The following TMEM164 variants were observed in gnomAD, a reference collection of about 807,000 sequenced individuals.
The protein encoded by TMEM164 is RP13-360B22.2.
TMEM164 carries 4 observed loss-of-function variants against 18.8 expected under a neutral mutation model. That is an observed-to-expected ratio of 0.21 (90% CI 0.10 to 0.49). TMEM164 has a LOEUF of 0.49. Ranked by LOEUF, TMEM164 falls within the 20% of genes least tolerant of loss-of-function variation. The probability of loss-of-function intolerance (pLI) is 0.98; values close to 1 mark genes in which losing one functional copy is unlikely to be tolerated. For synonymous variants in TMEM164, 86 were observed against 101.7 expected (o/e 0.85, Z 0.93); for missense variants, 108 against 239.9 (o/e 0.45, Z 3.63).
chrX:110,034,745 A>G (rs1213041754), intron 2 of TMEM164, among the ~76,000 whole-genome samples: 2 of 105,880 alleles, frequency 1.9e-5, no homozygotes, highest in Non-Finnish European at 3.9e-5. Flanking sequence ...ACTATAAATC[A>G]TGCTGCTATA....
At chrX:110,143,012 C>T (rs1416064027) in intron 4 of TMEM164, among the ~76,000 whole-genome samples, 1 of 112,226 alleles carries the variant, frequency 8.9e-6, no homozygotes, top group Non-Finnish European at 1.9e-5. Context: ...GCCCTTGGCC[C>T]GGCTCCTTGG....
chrX:110,027,941 A>G (rs1043933250), intron 2 of TMEM164, among the ~76,000 whole-genome samples: 1 of 111,493 alleles, frequency 9.0e-6, no homozygotes, highest in African/African-American at 3.3e-5. Context: ...AAAAGTTTGC[A>G]TGAGATCAGA....
At chrX:110,033,616 C>A (rs1934620947) in intron 2 of TMEM164, among the ~76,000 whole-genome samples, 1 of 111,384 alleles carries the variant, frequency 9.0e-6, no homozygotes, top group Admixed American at 9.6e-5. Flanking sequence ...ATAGCTCTTT[C>A]CTTTTCCTAA....
chrX:110,143,183 G>T (rs1192470913), intron 4 of TMEM164, among the ~76,000 whole-genome samples: 1 of 112,231 alleles, frequency 8.9e-6, no homozygotes, highest in African/African-American at 3.2e-5. Flanking sequence ...TAACCCTTTT[G>T]CACCTCAGTT....
At chrX:110,109,288 C>T (rs920588462) in intron 4 of TMEM164, 142 bp downstream of exon 4, 3 of 505,817 alleles carry the variant, frequency 5.9e-6, no homozygotes, top group Admixed American at 2.9e-5. Flanking sequence ...GAGGCCAAGG[C>T]GGGTGGATCA....
At chrX:110,152,687 G>A (rs756793285) in intron 5 of TMEM164, among the ~76,000 whole-genome samples, 2 of 110,652 alleles carry the variant, frequency 1.8e-5, no homozygotes, top group Non-Finnish European at 1.9e-5. Context: ...GGGTCCTCCT[G>A]CTCTTACCTC....
chrX:110,050,756 A>T (rs1018857807), intron 2 of TMEM164, among the ~76,000 whole-genome samples: 1 of 112,189 alleles, frequency 8.9e-6, no homozygotes, highest in East Asian at 2.8e-4. Flanking sequence ...CTTGGAAGAA[A>T]AAAAATTGGT....
chrX:110,084,425 A>AT (rs2065816571), intron 3 of TMEM164, among the ~76,000 whole-genome samples: 1 of 93,528 alleles, frequency 1.1e-5, no homozygotes, highest in African/African-American at 3.9e-5. Context: ...ATATATATAT[A>AT]GTATAGTATA....
chrX:110,116,455 G>A lies in TMEM164; in HGVS notation c.507+7309G>A, dbSNP rs144876527. On this transcript the variant is annotated intron_variant, in intron 4 of 6. Transcript: ENST00000372068. ...GATGGTTAGAATGTGCATGCAAATT[G>A]CATAGGAAGGAGGCTGTTCAAGCTA... Among the ~76,000 whole-genome samples the A allele has an allele frequency of 5.9e-4, 66 of 111,871 alleles. 2 individuals are homozygous for A. Among genetic ancestry groups the A allele is most frequent in the African/African-American group, 1.9e-3 (60 of 30,842 alleles).
chrX:110,078,064 A>G (rs1040833352), intron 3 of TMEM164, among the ~76,000 whole-genome samples: 21 of 112,271 alleles, frequency 1.9e-4, no homozygotes, highest in African/African-American at 6.8e-4. Flanking sequence ...CAAGTTGCCC[A>G]CTGTGTTTCC....
rs60116925 is a variant in TMEM164, at chrX:110,090,683, G to A, written c.441-18397G>A. Among the ~76,000 whole-genome samples, 190 of 111,692 alleles carry A rather than the reference G, an allele frequency of 1.7e-3. 1 individual carries two copies. The highest frequency in any genetic ancestry group is 5.9e-3 in the African/African-American group (182 of 30,773). ...AGAATACTTGTATAGCTTCTGCTTA[G>A]TCTCAGCAGTTGTCCTACTTTCTTT... On this transcript the variant is annotated intron_variant, in intron 3 of 6. Coordinates refer to ENST00000372068, the MANE Select transcript of TMEM164 (RefSeq NM_032227.4).
intron 2 of TMEM164, chrX:110,046,000 C>T (rs1935301410): frequency 1.4e-6 from 1 of 736,208 alleles, no homozygotes; most frequent in African/African-American, 2.3e-5. Flanking sequence ...TTGAATGAGA[C>T]TCTGTTTTCC....
intron 5 of TMEM164, among the ~76,000 whole-genome samples, chrX:110,153,364 A>C (rs2066971824): frequency 8.9e-6 from 1 of 112,396 alleles, no homozygotes; most frequent in Admixed American, 9.4e-5. Context: ...TGCAAATTGC[A>C]CATAATTTAT....
Position 110,134,605 on chromosome X carries a change from C to T in TMEM164, c.508-10193C>T, listed in dbSNP as rs1027785063. Among the ~76,000 whole-genome samples the T allele has an allele frequency of 5.9e-5, 6 of 102,170 alleles. 1 individual carries two copies. Among genetic ancestry groups the T allele is most frequent in the African/African-American group, 1.8e-4 (5 of 27,862 alleles). The allele number at this position is 102,170 out of a possible 115,157, so 88.7% of individuals were successfully genotyped here. A position where few individuals can be genotyped will look rare whatever the true frequency, so the allele number is the denominator to read the frequency against. On this transcript the variant is annotated intron_variant, in intron 4 of 6. Transcript: ENST00000372068. ...AAAAAAGGACCAGTGGCTGCCCCCC[C>T]GCTTAATTATGCCCCCCTGCCCTTT...
intron 2 of TMEM164, among the ~76,000 whole-genome samples, chrX:110,033,404 G>A (rs1164878777): frequency 4.5e-5 from 5 of 112,041 alleles, no homozygotes; most frequent in Non-Finnish European, 9.4e-5. Flanking sequence ...TTTGTGATTG[G>A]TAGTATGTTT....
chrX:110,159,853 C>T (rs1420983630), intron 5 of TMEM164, among the ~76,000 whole-genome samples: 1 of 111,690 alleles, frequency 9.0e-6, no homozygotes, highest in Non-Finnish European at 1.9e-5. Flanking sequence ...AAATCACACC[C>T]TCAGTGGACA....
At chrX:110,055,908 G>T (rs1300391422) in intron 2 of TMEM164, among the ~76,000 whole-genome samples, 3 of 110,716 alleles carry the variant, frequency 2.7e-5, no homozygotes, top group Non-Finnish European at 3.8e-5. Context: ...GCTGGTCGGG[G>T]GTCAAATGAT....
chrX:110,090,600 C>A (rs1038144292), intron 3 of TMEM164, among the ~76,000 whole-genome samples: 1 of 111,831 alleles, frequency 8.9e-6, no homozygotes, highest in Non-Finnish European at 1.9e-5. Context: ...CAGGCGTGAG[C>A]CACTGCACCT....
At chrX:110,071,289 C>T (rs1399554803) in intron 3 of TMEM164, among the ~76,000 whole-genome samples, 3 of 109,619 alleles carry the variant, frequency 2.7e-5, no homozygotes, top group Non-Finnish European at 5.7e-5. Context: ...AGGTGTGAGC[C>T]ACTGTGCCCA....
Sources: allele counts gnomAD v4.1 joint callset (sites outside exome capture counted in the v4.1 genomes callset), GRCh38; gene constraint gnomAD v4.1.1; transcripts MANE v1.5; gene names NCBI Gene and HGNC (gene_info 2026-07-23, HGNC 2026-07-21).